NAV3: variants seen among roughly 807,000 people sequenced by gnomAD.
NAV3 encodes the protein neuron navigator 3.
NAV3 carries 87 observed loss-of-function variants against 244.7 expected under a neutral mutation model. The ratio of observed to expected loss-of-function variants is 0.36; its 90% confidence interval spans 0.30 to 0.42. The LOEUF (loss-of-function observed/expected upper bound fraction) is 0.42. NAV3 is among the 20% of genes least tolerant of loss of function. The pLI is 1.00. For missense variants in NAV3, 2,663 were observed against 2,893.3 expected, an observed-to-expected ratio of 0.92 and a Z score of 1.83; for synonymous variants, 1,126 against 1,042.2, an observed-to-expected ratio of 1.08 and a Z score of -1.55.
chr12:77,937,261 C>T (rs1361453257), intron 1 of NAV3, among the ~76,000 whole-genome samples: 1 of 152,168 alleles, frequency 6.6e-6, no homozygotes, highest in Non-Finnish European at 1.5e-5. Context: ...CATATCAAAG[C>T]CCTTAAGCTT....
chr12:77,919,136 T>C (rs2137145168), intron 1 of NAV3, among the ~76,000 whole-genome samples: 1 of 152,190 alleles, frequency 6.6e-6, no homozygotes, highest in East Asian at 1.9e-4. Flanking sequence ...GGAGTGGGTA[T>C]GGATATCACA....
intron 2 of NAV3, among the ~76,000 whole-genome samples, chr12:77,659,449 G>T (rs988266161): frequency 6.6e-6 from 1 of 152,174 alleles, no homozygotes. Flanking sequence ...TCATTAAAAA[G>T]TCAAGAAACA....
chr12:78,015,978 TG>T (rs1876133987), intron 8 of NAV3, among the ~76,000 whole-genome samples: 1 of 152,128 alleles, frequency 6.6e-6, no homozygotes. Context: ...CAACTTACTT[TG>T]ATGCTTAATT....
At chr12:77,855,082 G>A (rs905795669) in intron 1 of NAV3, among the ~76,000 whole-genome samples, 6 of 152,218 alleles carry the variant, frequency 3.9e-5, no homozygotes, top group Non-Finnish European at 7.4e-5. Context: ...AGCTGAGATC[G>A]CGCCACTGCC....
chr12:78,148,999 A>C (rs1277786911), intron 22 of NAV3, 80 bp downstream of exon 22: 3 of 1,176,596 alleles, frequency 2.5e-6, no homozygotes, highest in East Asian at 2.6e-5. Flanking sequence ...CAAACTTACA[A>C]ATTTTCAGTG....
intron 2 of NAV3, among the ~76,000 whole-genome samples, chr12:77,574,113 C>A (rs1488739059): frequency 1.3e-5 from 2 of 151,966 alleles, no homozygotes; most frequent in African/African-American, 2.4e-5. Context: ...ACAGGAAGAC[C>A]CCCATCTCAC....
At chr12:77,862,716 A>C (rs1879427252) in intron 1 of NAV3, among the ~76,000 whole-genome samples, 1 of 151,898 alleles carries the variant, frequency 6.6e-6, no homozygotes, top group Admixed American at 6.6e-5. Context: ...CTGAAGGGAA[A>C]GTATCATTTC....
chr12:77,819,185 C>G (rs1180000551), intron 2 of NAV3, among the ~76,000 whole-genome samples: 1 of 151,922 alleles, frequency 6.6e-6, no homozygotes, highest in African/African-American at 2.4e-5. Flanking sequence ...AGGACTCATG[C>G]GTGCAATAGG....
chr12:78,056,062 T>G (rs1593414319), intron 11 of NAV3: 1 of 152,324 alleles, frequency 6.6e-6, no homozygotes, highest in East Asian at 1.9e-4. Context: ...ACATGTCTTA[T>G]GTTGACAAGT....
chr12:77,968,482 CAT>C, intron 4 of NAV3, 35 bp from the exon 5 acceptor site: 2 of 1,508,828 alleles, frequency 1.3e-6, no homozygotes, highest in South Asian at 1.1e-5. Context: ...ACATTAAATA[CAT>C]ATGATTCTTT....
rs147646268 is a variant in NAV3 at position 77,613,797 on chromosome 12, C to T, written c.72+41531C>T. Among the ~76,000 whole-genome samples, 239 of 152,158 alleles carry T rather than the reference C, an allele frequency of 1.6e-3. 1 individual carries two copies. Among genetic ancestry groups the T allele is most frequent in the African/African-American group, 5.1e-3 (213 of 41,522 alleles). On this transcript the variant is annotated intron_variant, in intron 2 of 8. Transcript: ENST00000550042. ...TTTTGTAACTTCCCTTTGGGGTTAC[C>T]GTTTTGTCCGTTAGGAACTTCCAAG...
intron 2 of NAV3, among the ~76,000 whole-genome samples, chr12:77,596,956 T>C (rs767438210): frequency 1.3e-5 from 2 of 152,086 alleles, no homozygotes; most frequent in Non-Finnish European, 2.9e-5. Flanking sequence ...TGAAAAGTCT[T>C]ATAGTCAAGG....
At chr12:77,873,002 G>A (rs1023847144) in intron 1 of NAV3, among the ~76,000 whole-genome samples, 2 of 152,148 alleles carry the variant, frequency 1.3e-5, no homozygotes, top group African/African-American at 2.4e-5. Flanking sequence ...TCATGGGGTG[G>A]GGATTTTCCC....
At chr12:77,841,929 AT>A (rs780369325) in intron 1 of NAV3, among the ~76,000 whole-genome samples, 1 of 152,202 alleles carries the variant, frequency 6.6e-6, no homozygotes. Flanking sequence ...TGAGATGATA[AT>A]ACCTAATTTC....
chr12:78,089,010 T>G (rs1166645854), intron 12 of NAV3, among the ~76,000 whole-genome samples: 1 of 152,182 alleles, frequency 6.6e-6, no homozygotes. Flanking sequence ...CTCTTAGCAT[T>G]TGGGATTATG....
At chr12:77,800,618 A>C (rs895668920) in intron 2 of NAV3, among the ~76,000 whole-genome samples, 1 of 152,158 alleles carries the variant, frequency 6.6e-6, no homozygotes, top group East Asian at 1.9e-4. Context: ...TTTACTGTTT[A>C]AAGTTTACTG....
intron 3 of NAV3, chr12:77,947,571 G>A (rs1271933653): frequency 6.6e-6 from 1 of 151,874 alleles, no homozygotes; most frequent in Non-Finnish European, 1.5e-5. Flanking sequence ...TGCTAAGTTA[G>A]TCCAGTCACA....
intron 15 of NAV3, 131 bp downstream of exon 15, chr12:78,120,076 T>C (rs1156724588): frequency 5.8e-6 from 3 of 512,852 alleles, no homozygotes; most frequent in Non-Finnish European, 8.9e-6. Flanking sequence ...TAGAATTCTT[T>C]AAAGTACACA....
intron 2 of NAV3, among the ~76,000 whole-genome samples, chr12:77,604,548 A>G (rs1030650694): frequency 6.6e-6 from 1 of 150,414 alleles, no homozygotes; most frequent in Non-Finnish European, 1.5e-5. Flanking sequence ...AGGAACCATA[A>G]ATTAAATCTT....
Sources: allele counts gnomAD v4.1 joint callset (sites outside exome capture counted in the v4.1 genomes callset), GRCh38; gene constraint gnomAD v4.1.1; transcripts MANE v1.5; gene names NCBI Gene and HGNC (gene_info 2026-07-23, HGNC 2026-07-21).